SUN5: variants seen among roughly 807,000 people sequenced by gnomAD.
SUN5 encodes SUN domain-containing protein 5.
In SUN5, 44 loss-of-function variants were observed where a neutral mutation model predicts 53.7. The observed-to-expected ratio is 0.82, with a 90% CI of 0.64 to 1.05. The LOEUF (loss-of-function observed/expected upper bound fraction) is 1.05. SUN5 is among the 50% of genes least tolerant of loss of function. The probability of loss-of-function intolerance (pLI) is 0.00; values close to 1 mark genes in which losing one functional copy is unlikely to be tolerated. For missense variants in SUN5, 433 were observed against 483.8 expected (o/e 0.90, Z 0.98); for synonymous variants, 166 against 179.8 (o/e 0.92, Z 0.62).
intron 1 of SUN5, 63 bp from the exon 2 acceptor site, chr20:33,002,982 G>T: frequency 6.4e-7 from 1 of 1,572,616 alleles, no homozygotes; most frequent in Non-Finnish European, 8.7e-7. Context: ...TCCTTGGAAT[G>T]TGCATACCAC....
chr20:32,998,113 C>A (rs953246983), intron 5 of SUN5, among the ~76,000 whole-genome samples: 3 of 132,206 alleles, frequency 2.3e-5, no homozygotes, highest in East Asian at 2.4e-4. Flanking sequence ...CTGAGGCAGG[C>A]AGATCACTTA....
intron 1 of SUN5, among the ~76,000 whole-genome samples, chr20:33,003,825 T>G (rs560044889): frequency 6.6e-6 from 1 of 152,326 alleles, no homozygotes; most frequent in South Asian, 2.1e-4. Context: ...GTATACTCTC[T>G]TGGGATATAC....
intron 12 of SUN5, 36 bp from the exon 13 acceptor site, chr20:32,983,985 T>G: frequency 1.3e-6 from 2 of 1,503,418 alleles, no homozygotes; most frequent in Middle Eastern, 4.7e-4. Flanking sequence ...AGCTCACCCA[T>G]AGACTCCCAC....
At chr20:32,990,195 T>G (rs548861361) in intron 8 of SUN5, among the ~76,000 whole-genome samples, 1 of 152,286 alleles carries the variant, frequency 6.6e-6, no homozygotes, top group Non-Finnish European at 1.5e-5. Context: ...GTATTAAAGA[T>G]GAGAATACTG....
At chr20:32,987,830 G>T in intron 9 of SUN5, 55 bp from the exon 10 acceptor site, 1 of 1,433,222 alleles carries the variant, frequency 7.0e-7, no homozygotes, top group Non-Finnish European at 9.7e-7. Flanking sequence ...CTGGTGGAGG[G>T]GACGCCACTG....
At chr20:33,003,067 G>T in intron 1 of SUN5, 148 bp from the exon 2 acceptor site, 1 of 882,080 alleles carries the variant, frequency 1.1e-6, no homozygotes. Context: ...ACAGACCCAG[G>T]TCTGGCTGAC....
At chr20:32,995,500 T>C (rs186266123) in intron 8 of SUN5, 119 bp downstream of exon 8, 396 of 777,846 alleles carry the variant, frequency 5.1e-4, no homozygotes, top group Admixed American at 9.4e-4. Flanking sequence ...TGAAAGTCAC[T>C]GGGGGATGTG....
chr20:33,003,986 G>T (rs1229597300), intron 1 of SUN5, among the ~76,000 whole-genome samples: 1 of 152,330 alleles, frequency 6.6e-6, no homozygotes, highest in East Asian at 1.9e-4. Context: ...CTCCATGAGG[G>T]AACGGAGCAC....
chr20:32,985,694 G>A (rs775201666), intron 11 of SUN5, 42 bp downstream of exon 11: 2 of 1,601,808 alleles, frequency 1.2e-6, no homozygotes, highest in Non-Finnish European at 1.7e-6. Context: ...TTGGAAGGTT[G>A]TCCCTTTAGC....
intron 8 of SUN5, among the ~76,000 whole-genome samples, chr20:32,993,628 G>T (rs1162148811): frequency 1.3e-5 from 2 of 152,196 alleles, no homozygotes; most frequent in Non-Finnish European, 2.9e-5. Flanking sequence ...TCTTCACAGT[G>T]CTTAGGAAAC....
Position 32,997,700 on chromosome 20 carries a change from G to C in SUN5, c.341-13C>G, listed in dbSNP as rs376234779. ...AACATCCAGAATCCTGTGAGGCCAT[G>C]AGAATAAGAATGAGCCATTTAACAT... On this transcript the variant is annotated splice_polypyrimidine_tract_variant and intron_variant, in intron 5 of 12. Transcript: ENST00000356173. 11 of 1,613,836 alleles carry C rather than the reference G, an allele frequency of 6.8e-6. No individual in the cohort carries two copies. The highest frequency in any genetic ancestry group is 9.3e-6 in the Non-Finnish European group (11 of 1,179,978).
intron 5 of SUN5, 38 bp from the exon 6 acceptor site, chr20:32,997,725 T>G: frequency 1.2e-6 from 2 of 1,612,278 alleles, no homozygotes; most frequent in Non-Finnish European, 1.7e-6. Flanking sequence ...CCATTTAACA[T>G]GCAAGATGAA....
chr20:32,989,460 C>T (rs1397476773), intron 9 of SUN5, among the ~76,000 whole-genome samples, 160 bp downstream of exon 9: 1 of 118,540 alleles, frequency 8.4e-6, no homozygotes, highest in Admixed American at 1.1e-4. Context: ...GTCCCAGAAC[C>T]CCTTGAGAGA....
chr20:33,002,454 T>C lies in SUN5; in HGVS notation c.211+133A>G, dbSNP rs1990075059. 7 of 812,270 alleles carry C rather than the reference T, an allele frequency of 8.6e-6. No individual in the cohort carries two copies. The South Asian group carries it at 1.1e-4, about 13-fold the overall frequency. 50.3% of individuals were successfully genotyped at this position (812,270 alleles called of 1,614,324 possible). On this transcript the variant is annotated intron_variant, in intron 3 of 12. Coordinates refer to ENST00000356173, the MANE Select transcript of SUN5 (RefSeq NM_080675.4). ...ACCTCCGATGGGTAGAACTCCAGAG[T>C]TCAACCTGCAGCTCCCCACCACCCC...
chr20:33,002,219 A>T (rs549011793), intron 3 of SUN5, among the ~76,000 whole-genome samples: 1 of 152,234 alleles, frequency 6.6e-6, no homozygotes, highest in East Asian at 1.9e-4. Context: ...GACTGAAAGG[A>T]TGGGTGGATG....
intron 1 of SUN5, 101 bp from the exon 2 acceptor site, chr20:33,003,020 A>G: frequency 2.2e-6 from 3 of 1,386,966 alleles, no homozygotes; most frequent in Non-Finnish European, 3.0e-6. Flanking sequence ...TGAGGTACAG[A>G]GAAGGTTTCC....
At chr20:32,992,849 A>G (rs1989744880) in intron 8 of SUN5, among the ~76,000 whole-genome samples, 1 of 152,258 alleles carries the variant, frequency 6.6e-6, no homozygotes, top group Non-Finnish European at 1.5e-5. Context: ...AATTAAAGCC[A>G]TAGTGAGATA....
intron 10 of SUN5, 66 bp from the exon 11 acceptor site, chr20:32,985,969 C>G: frequency 5.2e-6 from 8 of 1,534,674 alleles, no homozygotes; most frequent in African/African-American, 1.4e-5. Flanking sequence ...CCTTTGATCC[C>G]CTGTACTTCC....
In SUN5 at chr20:32,987,656, CT is replaced by C. The variant is rs1989581917; in HGVS notation, c.729+3del. ...GCTGTCCCATCTCCCGCCATCCCCC[CT>C]GCCTCAAGGATCACGTCTGGGGGCT... On this transcript the variant is annotated splice_donor_region_variant and intron_variant, in intron 10 of 12. Coordinates refer to ENST00000356173, the MANE Select transcript of SUN5 (RefSeq NM_080675.4). The C allele has an allele frequency of 1.9e-6, 3 of 1,599,672 alleles. No individual in the cohort carries two copies. The highest frequency in any genetic ancestry group is 2.6e-6 in the Non-Finnish European group (3 of 1,172,872).
Sources: gnomAD v4.1 joint callset for allele counts (sites outside exome capture counted in the v4.1 genomes callset) on GRCh38, gnomAD v4.1.1 for gene constraint, MANE v1.5 for transcripts, NCBI Gene and HGNC (gene_info 2026-07-23, HGNC 2026-07-21) for gene names.